ZDHHC21: variants seen among roughly 807,000 people sequenced by gnomAD.
The protein encoded by ZDHHC21 is palmitoyltransferase ZDHHC21.
In ZDHHC21, 15 loss-of-function variants were observed where a neutral mutation model predicts 34.6. The observed-to-expected ratio is 0.43, with a 90% CI of 0.29 to 0.67. The LOEUF is 0.67. Ranked by LOEUF, ZDHHC21 falls within the 30% of genes least tolerant of loss-of-function variation. The pLI is 0.14. For missense variants in ZDHHC21, 344 were observed against 327.7 expected, an observed-to-expected ratio of 1.05 and a Z score of -0.38; for synonymous variants, 142 against 101.8, an observed-to-expected ratio of 1.40 and a Z score of -2.38.
At chr9:14,661,231 C>CA (rs1188868839) in intron 6 of ZDHHC21, among the ~76,000 whole-genome samples, 6 of 151,798 alleles carry the variant, frequency 4.0e-5, no homozygotes, top group Non-Finnish European at 7.4e-5. Flanking sequence ...ACAGTCTATG[C>CA]AAAAAAACAA....
chr9:14,620,098 G>C (rs1825027809), intron 8 of ZDHHC21, among the ~76,000 whole-genome samples: 1 of 151,886 alleles, frequency 6.6e-6, no homozygotes, highest in Non-Finnish European at 1.5e-5. Context: ...TAAGAGTCAG[G>C]GTGCTACTGG....
At chr9:14,628,835 G>A (rs1826790802) in intron 8 of ZDHHC21, among the ~76,000 whole-genome samples, 1 of 152,062 alleles carries the variant, frequency 6.6e-6, no homozygotes, top group South Asian at 2.1e-4. Context: ...GTATTTAAGT[G>A]CTAATTTAAT....
At chr9:14,655,190 T>C (rs1217199360) in intron 7 of ZDHHC21, among the ~76,000 whole-genome samples, 2 of 151,978 alleles carry the variant, frequency 1.3e-5, no homozygotes, top group Admixed American at 1.3e-4. Flanking sequence ...ATGGAAACCA[T>C]AAGACAATGG....
At chr9:14,686,388 A>G (rs1838328043) in intron 2 of ZDHHC21, among the ~76,000 whole-genome samples, 1 of 152,304 alleles carries the variant, frequency 6.6e-6, no homozygotes, top group East Asian at 1.9e-4. Flanking sequence ...CCATTCTCCA[A>G]GACAGGGAAC....
At chr9:14,641,333 G>C (rs565677363) in intron 7 of ZDHHC21, among the ~76,000 whole-genome samples, 1 of 152,222 alleles carries the variant, frequency 6.6e-6, no homozygotes, top group South Asian at 2.1e-4. Context: ...TCAGTAAAAA[G>C]AACCCAATAT....
intron 8 of ZDHHC21, among the ~76,000 whole-genome samples, chr9:14,633,458 A>G (rs1827714768): frequency 6.6e-6 from 1 of 152,144 alleles, no homozygotes; most frequent in Admixed American, 6.5e-5. Context: ...TGGAGAATAC[A>G]TGAAGGTACC....
At chr9:14,674,125 C>G (rs960351298) in intron 4 of ZDHHC21, 62 bp downstream of exon 4, 3 of 1,206,262 alleles carry the variant, frequency 2.5e-6, no homozygotes, top group South Asian at 4.2e-5. Flanking sequence ...TGGCACTACA[C>G]CCCAAAAACG....
intron 2 of ZDHHC21, among the ~76,000 whole-genome samples, chr9:14,689,294 G>A (rs1838819391): frequency 6.6e-6 from 1 of 152,170 alleles, no homozygotes; most frequent in East Asian, 1.9e-4. Context: ...GTAAAAGCAG[G>A]ACTGGTGAGC....
At chr9:14,652,740 G>A (rs1310826234) in intron 7 of ZDHHC21, among the ~76,000 whole-genome samples, 1 of 151,832 alleles carries the variant, frequency 6.6e-6, no homozygotes, top group Non-Finnish European at 1.5e-5. Context: ...CAACGTACCA[G>A]TTTTCTACTG....
At chr9:14,605,267 T>C in the ZDHHC21 span, among the ~76,000 whole-genome samples, 2 of 152,010 alleles carry the variant, frequency 1.3e-5, no homozygotes, top group Non-Finnish European at 2.9e-5. Context: ...CTAATTCTTC[T>C]GAGGAACTTC....
chr9:14,624,694 T>A (rs928506504), intron 8 of ZDHHC21, among the ~76,000 whole-genome samples: 1 of 152,048 alleles, frequency 6.6e-6, no homozygotes, highest in Non-Finnish European at 1.5e-5. Context: ...GGGTACAAAG[T>A]TACAATTAGA....
chr9:14,632,189 A>C (rs1586960497), intron 8 of ZDHHC21, among the ~76,000 whole-genome samples: 1 of 152,304 alleles, frequency 6.6e-6, no homozygotes, highest in East Asian at 1.9e-4. Flanking sequence ...AAAATGTATC[A>C]AAACTACTAT....
chr9:14,639,390 T>G (rs1587014147), intron 8 of ZDHHC21, among the ~76,000 whole-genome samples: 1 of 151,760 alleles, frequency 6.6e-6, no homozygotes, highest in African/African-American at 2.4e-5. Context: ...ACGAAGAGAG[T>G]GTGGTTAATG....
chr9:14,635,154 A>T (rs1341847302), intron 8 of ZDHHC21, among the ~76,000 whole-genome samples: 1 of 152,186 alleles, frequency 6.6e-6, no homozygotes, highest in Non-Finnish European at 1.5e-5. Context: ...AAAGCATTTA[A>T]AAAAAGAACA....
At chr9:14,625,081 A>C (rs1480515978) in intron 8 of ZDHHC21, among the ~76,000 whole-genome samples, 4 of 151,428 alleles carry the variant, frequency 2.6e-5, no homozygotes, top group South Asian at 2.1e-4. Context: ...TAGTATATGA[A>C]CAGTAGCTCA....
downstream of ZDHHC21, among the ~76,000 whole-genome samples, chr9:14,608,434 G>A (rs1299972640): frequency 6.6e-6 from 1 of 152,124 alleles, no homozygotes; most frequent in African/African-American, 2.4e-5. Flanking sequence ...GTCTACAGTA[G>A]TATCTGAGTG....
chr9:14,684,012 T>C (rs951258215), intron 2 of ZDHHC21, among the ~76,000 whole-genome samples: 2 of 152,258 alleles, frequency 1.3e-5, no homozygotes, highest in Non-Finnish European at 2.9e-5. Context: ...CCCTTCATGC[T>C]ATAAACTCTT....
chr9:14,645,717 G>T (rs527412819), intron 7 of ZDHHC21, among the ~76,000 whole-genome samples: 1 of 151,936 alleles, frequency 6.6e-6, no homozygotes, highest in Non-Finnish European at 1.5e-5. Context: ...AATCTAAAAC[G>T]CCCTACAATT....
At chr9:14,665,315 A>G (rs1322342865) in intron 5 of ZDHHC21, among the ~76,000 whole-genome samples, 1 of 138,178 alleles carries the variant, frequency 7.2e-6, no homozygotes, top group East Asian at 2.1e-4. Context: ...ATAAAAAGAA[A>G]TGAGCAAAGC....
Sources: gnomAD v4.1 joint callset for allele counts (sites outside exome capture counted in the v4.1 genomes callset) on GRCh38, gnomAD v4.1.1 for gene constraint, MANE v1.5 for transcripts, NCBI Gene and HGNC (gene_info 2026-07-23, HGNC 2026-07-21) for gene names.